The following LTA4H variants were observed in gnomAD, a reference collection of about 807,000 sequenced individuals.
LTA4H encodes the protein leukotriene A-4 hydrolase.
In LTA4H, 59 loss-of-function variants were observed where a neutral mutation model predicts 89.8. That is an observed-to-expected ratio of 0.66 (90% CI 0.53 to 0.82). The LOEUF (loss-of-function observed/expected upper bound fraction) is 0.82, where lower values mean the gene tolerates loss of function less well. Among genes scored for constraint, LTA4H ranks in the 40% least tolerant of loss-of-function variants. The probability of loss-of-function intolerance (pLI) is 0.00; values close to 1 mark genes in which losing one functional copy is unlikely to be tolerated. For synonymous variants in LTA4H, 227 were observed against 253.1 expected (o/e 0.90, Z 0.98); for missense variants, 617 against 727.0 (o/e 0.85, Z 1.74).
At chr12:96,036,665 A>C (rs1015158561), upstream of LTA4H, among the ~76,000 whole-genome samples, 4 of 152,224 alleles carry the variant, frequency 2.6e-5, no homozygotes, top group South Asian at 6.2e-4. Context: ...ACAGATTGAG[A>C]GGAGACGAAG....
upstream of LTA4H, among the ~76,000 whole-genome samples, chr12:96,040,071 A>T (rs1258607815): frequency 6.6e-6 from 1 of 152,260 alleles, no homozygotes; most frequent in Non-Finnish European, 1.5e-5. Flanking sequence ...CGTCATGATT[A>T]ACATAGCATT....
chr12:96,013,216 A>T lies in LTA4H; in HGVS notation c.1351T>A (p.Ser451Thr). The change falls in exon 14 of 19, where the codon TCT (serine) becomes ACT (threonine). Residue 451 changes from serine (S) to threonine (T), a missense_variant. By Grantham distance (58) the Ser-to-Thr change is moderately conservative. Coordinates refer to ENST00000228740, the MANE Select transcript of LTA4H (RefSeq NM_000895.3). Reference protein sequence around the residue: ...NQVDWNAWLYSPGLPPIKPNY... With the variant: ...NQVDWNAWLYTPGLPPIKPNY... ...GGCTTTATGGGAGGCAGTCCAGGAG[A>T]GTAGAGCCAGGCATTCCAATCAACT... is the stretch of plus-strand genomic sequence containing the variant. 6.2e-7 allele frequency: 1 copy of T among 1,613,800 alleles called. No individual in the cohort carries two copies. The highest frequency in any genetic ancestry group is 1.7e-4 in the Middle Eastern group (1 of 6,058).
At chr12:96,010,746 G>A (rs1950287413) in intron 14 of LTA4H, 1 of 152,200 alleles carries the variant, frequency 6.6e-6, no homozygotes, top group South Asian at 2.1e-4. Context: ...GTTTACTCTA[G>A]CTTTAGTGTG....
chr12:96,034,595 A>G (rs1012186986), intron 1 of LTA4H, among the ~76,000 whole-genome samples: 2 of 152,256 alleles, frequency 1.3e-5, no homozygotes, highest in Non-Finnish European at 2.9e-5. Context: ...AAGAAAGTTG[A>G]TAAGATTAAA....
rs922426337 is a variant in LTA4H, at chr12:96,001,043, T to C, written c.1782A>G (p.Ala594=). 2 of 1,614,048 alleles carry C rather than the reference T, an allele frequency of 1.2e-6. No homozygotes were observed. The highest frequency in any genetic ancestry group is 1.7e-6 in the Non-Finnish European group (2 of 1,180,052). The part of the protein sequence containing the change: ...QAVRTYQEHK[A]SMHPVTAMLV... Reference sequence around the variant, plus strand: ...GCATTGCAGTCACGGGATGCATGCTTGCTTTGTGCTCTTGGTAGGTTCGGA... The same window carrying C: ...GCATTGCAGTCACGGGATGCATGCTCGCTTTGTGCTCTTGGTAGGTTCGGA... Residue 594 remains alanine (A), a synonymous_variant, in exon 19 of 19, where the codon GCA becomes GCG. Coordinates refer to ENST00000228740, the MANE Select transcript of LTA4H (RefSeq NM_000895.3).
At chr12:96,028,905 A>G (rs1950541183) in intron 2 of LTA4H, 150 bp downstream of exon 2, 1 of 540,480 alleles carries the variant, frequency 1.9e-6, no homozygotes, top group Non-Finnish European at 2.9e-6. Context: ...TGCTGTATCA[A>G]CTTTAATCTG....
chr12:96,008,981 A>G, intron 15 of LTA4H, 113 bp downstream of exon 15: 1 of 796,394 alleles, frequency 1.3e-6, no homozygotes. Flanking sequence ...CTGACTTTCA[A>G]ATAGCCTTTC....
At position 96,000,780 on chromosome 12, in the gene LTA4H, G is replaced by A. The variant is rs1592858088; in HGVS notation, c.*209C>T. 2.6e-6 allele frequency: 1 copy of A among 381,096 alleles called. No individual in the cohort carries two copies. Among genetic ancestry groups the A allele is most frequent in the South Asian group, 5.3e-5 (1 of 18,954 alleles). 23.6% of individuals were successfully genotyped at this position (381,096 alleles called of 1,614,324 possible). ...AAGCTAATTCAAAATTTTTTAATTT[G>A]TAAATCAAAAGATTAAACCTTGTTA... On this transcript the variant is annotated 3_prime_UTR_variant, in exon 19 of 19. Coordinates refer to ENST00000228740, the MANE Select transcript of LTA4H (RefSeq NM_000895.3).
chr12:96,021,653 G>A (rs1254445523), intron 5 of LTA4H, among the ~76,000 whole-genome samples: 1 of 147,676 alleles, frequency 6.8e-6, no homozygotes, highest in Non-Finnish European at 1.5e-5. Context: ...TCCATTGTGA[G>A]GTCAATTAAG....
intron 13 of LTA4H, 44 bp downstream of exon 13, chr12:96,013,706 A>G: frequency 1.0e-6 from 1 of 967,184 alleles, no homozygotes; most frequent in Non-Finnish European, 1.6e-6. Flanking sequence ...CAATAAATAG[A>G]GATATATCGA....
intron 6 of LTA4H, among the ~76,000 whole-genome samples, 192 bp from the exon 7 acceptor site, chr12:96,019,432 C>T (rs1435181919): frequency 1.3e-5 from 2 of 152,098 alleles, no homozygotes; most frequent in African/African-American, 2.4e-5. Context: ...AGATATGCAG[C>T]TCTCTAAGGA....
intron 17 of LTA4H, 178 bp downstream of exon 17, chr12:96,003,660 A>G (rs1950146104): frequency 2.6e-6 from 1 of 390,686 alleles, no homozygotes; most frequent in Middle Eastern, 6.6e-4. Context: ...TAATACTACC[A>G]GATTACATAT....
chr12:96,008,336 C>T (rs1950238088), intron 15 of LTA4H, among the ~76,000 whole-genome samples: 1 of 152,028 alleles, frequency 6.6e-6, no homozygotes, highest in Non-Finnish European at 1.5e-5. Flanking sequence ...TATTTTAGTA[C>T]ATATATGAAG....
chr12:96,023,285 C>T (rs74693189), intron 4 of LTA4H, among the ~76,000 whole-genome samples: 2,379 of 152,258 alleles, frequency 0.016, 69 homozygotes, highest in African/African-American at 0.055. Flanking sequence ...GGAAATAATT[C>T]GGTTCAGCCA....
At chr12:96,031,188 A>G (rs1950567734) in intron 1 of LTA4H, among the ~76,000 whole-genome samples, 1 of 152,182 alleles carries the variant, frequency 6.6e-6, no homozygotes, top group African/African-American at 2.4e-5. Context: ...GTACTGCATT[A>G]TAATGATTTC....
chr12:96,004,086 G>A, intron 16 of LTA4H, 166 bp from the exon 17 acceptor site: 1 of 394,438 alleles, frequency 2.5e-6, no homozygotes, highest in Non-Finnish European at 4.5e-6. Context: ...TAAATTCTGT[G>A]CAAACTTATT....
chr12:96,038,149 T>C (rs986239699), upstream of LTA4H, among the ~76,000 whole-genome samples: 8 of 151,924 alleles, frequency 5.3e-5, no homozygotes, highest in African/African-American at 1.9e-4. Flanking sequence ...ATTTCAGAGG[T>C]GTGAGGGATA....
intron 14 of LTA4H, chr12:96,010,042 C>A (rs879936621): frequency 6.6e-6 from 1 of 152,224 alleles, no homozygotes; most frequent in African/African-American, 2.4e-5. Context: ...CTGTGGACTG[C>A]AGGCATGCCA....
upstream of LTA4H, among the ~76,000 whole-genome samples, chr12:96,038,189 C>T (rs1285925423): frequency 6.6e-6 from 1 of 152,076 alleles, no homozygotes; most frequent in Non-Finnish European, 1.5e-5. Flanking sequence ...TGGTATGGTT[C>T]AATTCTCTAT....
Sources: gnomAD v4.1 joint callset for allele counts (sites outside exome capture counted in the v4.1 genomes callset) on GRCh38, gnomAD v4.1.1 for gene constraint, MANE v1.5 for transcripts, NCBI Gene and HGNC (gene_info 2026-07-23, HGNC 2026-07-21) for gene names.